Variants in CREB1 observed in about 807,000 individuals in gnomAD.
CREB1 encodes the protein cyclic AMP-responsive element-binding protein 1.
CREB1 carries 2 observed loss-of-function variants against 42.0 expected under a neutral mutation model. That is an observed-to-expected ratio of 0.05 (90% confidence interval 0.02 to 0.15). The LOEUF is 0.15. Among genes scored for constraint, CREB1 ranks in the 10% least tolerant of loss-of-function variants. The pLI, the probability that CREB1 is intolerant of heterozygous loss-of-function variation, is 1.00. For synonymous variants in CREB1, 123 were observed against 139.9 expected, an observed-to-expected ratio of 0.88 and a Z score of 0.85; for missense variants, 199 against 388.9, an observed-to-expected ratio of 0.51 and a Z score of 4.11.
At chr2:207,576,536 G>A (rs1398620905) in intron 6 of CREB1, 1 of 401,398 alleles carries the variant, frequency 2.5e-6, no homozygotes, top group African/African-American at 2.1e-5. Flanking sequence ...GAGCCCTAAT[G>A]TTTACAGAAT....
intron 7 of CREB1, among the ~76,000 whole-genome samples, chr2:207,587,074 C>A (rs752433069): frequency 6.6e-6 from 1 of 152,076 alleles, no homozygotes. Flanking sequence ...GCAGCCATTA[C>A]GGAAAACGGT....
At chr2:207,563,772 C>T (rs917717003) in intron 3 of CREB1, among the ~76,000 whole-genome samples, 5 of 152,022 alleles carry the variant, frequency 3.3e-5, no homozygotes, top group African/African-American at 7.2e-5. Flanking sequence ...GGCAAAACGC[C>T]ATCTCTACTA....
At chr2:207,571,481 C>T (rs1296111729) in intron 5 of CREB1, among the ~76,000 whole-genome samples, 1 of 152,106 alleles carries the variant, frequency 6.6e-6, no homozygotes, top group African/African-American at 2.4e-5. Flanking sequence ...TTAACTCTGC[C>T]AAGGCTGAAA....
At chr2:207,569,657 C>CT (rs1228427609) in intron 4 of CREB1, among the ~76,000 whole-genome samples, 16 of 151,106 alleles carry the variant, frequency 1.1e-4, no homozygotes, top group African/African-American at 2.7e-4. Flanking sequence ...GATAATACAT[C>CT]TTTTTTTTTG....
intron 1 of CREB1, among the ~76,000 whole-genome samples, chr2:207,535,858 A>G (rs959127605): frequency 2.6e-5 from 4 of 151,228 alleles, no homozygotes; most frequent in Non-Finnish European, 5.9e-5. Context: ...GTTTGGCTCT[A>G]TCACCCAGGC....
intron 7 of CREB1, among the ~76,000 whole-genome samples, chr2:207,594,020 C>T (rs1319132550): frequency 6.6e-6 from 1 of 152,056 alleles, no homozygotes; most frequent in Admixed American, 6.5e-5. Context: ...GCCACCACAC[C>T]AGCCCTCACA....
At chr2:207,561,115 A>G in intron 3 of CREB1, 1 of 1,613,240 alleles carries the variant, frequency 6.2e-7, no homozygotes, top group Non-Finnish European at 8.5e-7. Context: ...TTTTTGCTTC[A>G]CAGTCTTCCT....
intron 3 of CREB1, among the ~76,000 whole-genome samples, chr2:207,567,016 C>T (rs73983465): frequency 0.038 from 5,753 of 152,100 alleles, 147 homozygotes; most frequent in African/African-American, 0.062. Flanking sequence ...CATGATGGAT[C>T]GCCAGTCTTA....
rs752823876 is a variant in CREB1, at chr2:207,601,337, T to G, written c.*4279T>G. The G allele has an allele frequency of 2.6e-4, 48 of 186,274 alleles. 1 individual carries two copies. In the Middle Eastern group the frequency reaches 7.7e-3, roughly 30 times the overall value. The allele number at this position is 186,274 out of a possible 1,614,324, so 11.5% of individuals were successfully genotyped here. On this transcript the variant is annotated 3_prime_UTR_variant, in exon 8 of 8. Coordinates refer to ENST00000353267, the MANE Select transcript of CREB1 (RefSeq NM_004379.5). The stretch of plus-strand genomic sequence containing the variant: ...GTAATTCTCAACTTTTTAGTCTTTC[T>G]CCTCTCTTCAAATCATGTGACTTTT...
rs2086669229 is a variant in CREB1 at position 207,599,345 on chromosome 2, C to G, written c.*2287C>G. On this transcript the variant is annotated 3_prime_UTR_variant, in exon 8 of 8. Coordinates refer to ENST00000353267, the MANE Select transcript of CREB1 (RefSeq NM_004379.5). ...TATTTATTGAGTCAAAATGTCGAAT[C>G]GAACATTTTGAATGAAGTAAGTGTT... 9.8e-6 allele frequency: 2 copies of G among 203,600 alleles called. No individual in the cohort carries two copies. Among genetic ancestry groups the G allele is most frequent in the African/African-American group, 4.6e-5 (2 of 43,664 alleles). 12.6% of individuals were successfully genotyped at this position (203,600 alleles called of 1,614,324 possible).
chr2:207,554,768 T>C (rs1221242597), intron 1 of CREB1, among the ~76,000 whole-genome samples: 1 of 152,074 alleles, frequency 6.6e-6, no homozygotes, highest in Non-Finnish European at 1.5e-5. Flanking sequence ...AAGATTTCTC[T>C]GTGTGTGGAT....
chr2:207,531,183 C>A (rs982126534), intron 1 of CREB1, among the ~76,000 whole-genome samples: 1 of 152,040 alleles, frequency 6.6e-6, no homozygotes, highest in African/African-American at 2.4e-5. Context: ...GAGTATCAGC[C>A]GATGTACTCT....
intron 4 of CREB1, 197 bp downstream of exon 4, chr2:207,567,760 C>A: frequency 2.6e-6 from 1 of 385,782 alleles, no homozygotes; most frequent in Non-Finnish European, 4.7e-6. Context: ...CTCACCAGTC[C>A]TAATTTTTTT....
chr2:207,551,735 G>A (rs1161381666), intron 1 of CREB1, among the ~76,000 whole-genome samples: 1 of 151,986 alleles, frequency 6.6e-6, no homozygotes, highest in African/African-American at 2.4e-5. Flanking sequence ...TAGGATCAGA[G>A]GATTTAAACT....
rs935407929 is a variant in CREB1, at chr2:207,576,908, A to C, written c.689-597A>C. ...AAATGGTGAATCAGTTAGAAAAATA[A>C]AACTTCAGTTTATTTAGCCATTATC... On this transcript the variant is annotated intron_variant, in intron 6 of 7. Transcript: ENST00000353267. 1.7e-4 allele frequency: 158 copies of C among 906,488 alleles called. No individual in the cohort carries two copies. In the African/African-American group the frequency reaches 2.6e-3, roughly 15 times the overall value. The allele number at this position is 906,488 out of a possible 1,614,324, so 56.2% of individuals were successfully genotyped here.
chr2:207,592,332 G>T (rs144025150), intron 7 of CREB1, among the ~76,000 whole-genome samples: 2 of 152,190 alleles, frequency 1.3e-5, no homozygotes, highest in Admixed American at 6.5e-5. Flanking sequence ...ACTTAAACCC[G>T]GGAGGCAGAG....
At position 207,600,262 on chromosome 2, in the gene CREB1, T is replaced by TACAC. The variant is rs1553513635; in HGVS notation, c.*3207_*3208insCACA. The TACAC allele has an allele frequency of 1.3e-5, 2 of 153,608 alleles. No homozygotes were observed. The highest frequency in any genetic ancestry group is 2.6e-5 in the African/African-American group (1 of 38,436). 9.5% of individuals were successfully genotyped at this position (153,608 alleles called of 1,614,324 possible). On this transcript the variant is annotated 3_prime_UTR_variant, in exon 8 of 8. Transcript: ENST00000353267. Reference sequence around the variant, plus strand: ...ACATATATATATATATATATATATATACATACAGTATATAATCTAAAGCTC... The same window carrying TACAC: ...ACATATATATATATATATATATATATACACACATACAGTATATAATCTAAAGCTC...
At chr2:207,549,797 A>G (rs576566041) in intron 1 of CREB1, among the ~76,000 whole-genome samples, 1 of 152,268 alleles carries the variant, frequency 6.6e-6, no homozygotes, top group African/African-American at 2.4e-5. Context: ...CCTGGCTAAC[A>G]TGGTGAAACC....
At chr2:207,596,166 A>G (rs1415967931) in intron 7 of CREB1, among the ~76,000 whole-genome samples, 1 of 152,032 alleles carries the variant, frequency 6.6e-6, no homozygotes, top group African/African-American at 2.4e-5. Flanking sequence ...GTGCGGCCCA[A>G]CCTCACTCTT....
Sources: allele counts gnomAD v4.1 joint callset (sites outside exome capture counted in the v4.1 genomes callset), GRCh38; gene constraint gnomAD v4.1.1; transcripts MANE v1.5; gene names NCBI Gene and HGNC (gene_info 2026-07-23, HGNC 2026-07-21).